The following FARS2 variants were observed in gnomAD, a reference collection of about 807,000 sequenced individuals.
The protein encoded by FARS2 is phenylalanine--tRNA ligase, mitochondrial.
Under a neutral mutation model 46.4 loss-of-function variants are expected in FARS2, and 40 were observed. The observed-to-expected ratio is 0.86, with a 90% CI of 0.67 to 1.12. FARS2 has a LOEUF of 1.12. Among genes scored for constraint, FARS2 ranks in the 50% most tolerant of loss-of-function variants. The pLI is 0.00. For missense variants in FARS2, 513 were observed against 567.9 expected (o/e 0.90, Z 0.98); for synonymous variants, 234 against 214.9 (o/e 1.09, Z -0.78).
At chr6:5,267,918 CATT>C (rs1435772466) in intron 1 of FARS2, among the ~76,000 whole-genome samples, 1 of 151,974 alleles carries the variant, frequency 6.6e-6, no homozygotes. Context: ...GATGGTATCT[CATT>C]GTGGTTTTGA....
intron 1 of FARS2, among the ~76,000 whole-genome samples, chr6:5,310,975 A>G (rs1374470520): frequency 2.0e-5 from 3 of 152,198 alleles, no homozygotes; most frequent in Non-Finnish European, 4.4e-5. Flanking sequence ...TTCTCCAGCA[A>G]TCCCACCATT....
intron 4 of FARS2, among the ~76,000 whole-genome samples, chr6:5,520,493 A>C (rs1769064697): frequency 6.6e-6 from 1 of 152,268 alleles, no homozygotes; most frequent in African/African-American, 2.4e-5. Flanking sequence ...GAAAAACTTC[A>C]AACATTGCAC....
intron 5 of FARS2, among the ~76,000 whole-genome samples, chr6:5,578,053 G>A (rs1184121883): frequency 2.0e-5 from 3 of 152,042 alleles, no homozygotes; most frequent in Admixed American, 6.6e-5. Context: ...CGCCCATCTC[G>A]GCCTCCTAAA....
At chr6:5,686,308 C>T (rs989428393) in intron 6 of FARS2, among the ~76,000 whole-genome samples, 30 of 151,702 alleles carry the variant, frequency 2.0e-4, no homozygotes, top group African/African-American at 6.3e-4. Context: ...CCCATTAACT[C>T]GTCATTTAAC....
chr6:5,389,449 G>A (rs778280165), intron 2 of FARS2, among the ~76,000 whole-genome samples: 56 of 152,088 alleles, frequency 3.7e-4, no homozygotes, highest in Admixed American at 9.8e-4. Context: ...AAACGATTTT[G>A]TTTGGCTGCA....
chr6:5,657,299 C>T (rs759541455), intron 6 of FARS2, among the ~76,000 whole-genome samples: 5 of 152,124 alleles, frequency 3.3e-5, no homozygotes, highest in South Asian at 2.1e-4. Context: ...TTTATCTAAA[C>T]GAGGGCCTGT....
intron 6 of FARS2, among the ~76,000 whole-genome samples, chr6:5,628,740 C>T (rs1776152905): frequency 6.6e-6 from 1 of 152,114 alleles, no homozygotes; most frequent in Non-Finnish European, 1.5e-5. Flanking sequence ...GTCCCTGGTT[C>T]CCTGGTGTTC....
chr6:5,671,251 G>A (rs1778440819), intron 6 of FARS2, among the ~76,000 whole-genome samples: 1 of 152,234 alleles, frequency 6.6e-6, no homozygotes, highest in Non-Finnish European at 1.5e-5. Context: ...GAGTACCTCA[G>A]AAAAATGAGG....
At position 5,471,784 on chromosome 6, in the gene FARS2, G is replaced by T. The variant is rs1273818557; in HGVS notation, c.904+40612G>T. Among the ~76,000 whole-genome samples, 1 of 152,186 alleles carries T rather than the reference G, an allele frequency of 6.6e-6. No homozygotes were observed. The highest frequency in any genetic ancestry group is 2.4e-5 in the African/African-American group (1 of 41,452). On this transcript the variant is annotated intron_variant, in intron 4 of 6. Coordinates refer to ENST00000274680, the MANE Select transcript of FARS2 (RefSeq NM_006567.5). The surrounding 1 kb of genome is among the most constrained non-coding windows in gnomAD (Gnocchi z 4.1). ...CAAGGCAGGGTCTTGTCCCACCAGT[G>T]CACATGGTGCGCCCCGTCTGACACC... is the stretch of plus-strand genomic sequence containing the variant.
chr6:5,572,269 G>A (rs1273733582), intron 5 of FARS2, among the ~76,000 whole-genome samples: 1 of 152,112 alleles, frequency 6.6e-6, no homozygotes, highest in Non-Finnish European at 1.5e-5. Flanking sequence ...CAGCAGACAC[G>A]TCCTATAGTG....
chr6:5,437,486 T>G (rs1360903580), intron 4 of FARS2, among the ~76,000 whole-genome samples: 4 of 152,214 alleles, frequency 2.6e-5, no homozygotes, highest in Admixed American at 2.0e-4. Context: ...TATTTTACCC[T>G]TTTATCTGTC....
At chr6:5,327,479 G>A (rs954122570) in intron 1 of FARS2, among the ~76,000 whole-genome samples, 40 of 152,202 alleles carry the variant, frequency 2.6e-4, no homozygotes, top group Admixed American at 1.0e-3. Context: ...TTTCCGTGCC[G>A]TTCTTGTGAT....
intron 1 of FARS2, among the ~76,000 whole-genome samples, chr6:5,336,087 A>G (rs1371420380): frequency 6.6e-6 from 1 of 152,182 alleles, no homozygotes; most frequent in Non-Finnish European, 1.5e-5. Flanking sequence ...TTAAGACTTA[A>G]TAGGAAAATT....
chr6:5,740,324 T>G (rs1054826025), intron 6 of FARS2, among the ~76,000 whole-genome samples: 1 of 152,178 alleles, frequency 6.6e-6, no homozygotes, highest in Non-Finnish European at 1.5e-5. Context: ...GAAATAAGTT[T>G]TTTGGGAACC....
chr6:5,660,300 T>C (rs979782942), intron 6 of FARS2, among the ~76,000 whole-genome samples: 1 of 152,110 alleles, frequency 6.6e-6, no homozygotes, highest in Non-Finnish European at 1.5e-5. Flanking sequence ...TAATCACACA[T>C]GTAGATGTGA....
chr6:5,350,603 C>T (rs918365748), intron 1 of FARS2, among the ~76,000 whole-genome samples: 1 of 152,136 alleles, frequency 6.6e-6, no homozygotes, highest in African/African-American at 2.4e-5. Context: ...AGGAAATGGT[C>T]CTGGAACATT....
At chr6:5,638,155 T>G (rs1045296109) in intron 6 of FARS2, among the ~76,000 whole-genome samples, 1 of 152,148 alleles carries the variant, frequency 6.6e-6, no homozygotes, top group Non-Finnish European at 1.5e-5. Flanking sequence ...GATCCTATAT[T>G]CTAATACAGT....
At chr6:5,657,951 A>C (rs1561781815) in intron 6 of FARS2, among the ~76,000 whole-genome samples, 1 of 152,198 alleles carries the variant, frequency 6.6e-6, no homozygotes, top group South Asian at 2.1e-4. Context: ...TAGTCATAAA[A>C]ATGCCTTCCT....
intron 6 of FARS2, among the ~76,000 whole-genome samples, chr6:5,748,656 G>A (rs143729603): frequency 2.0e-4 from 31 of 152,334 alleles, no homozygotes; most frequent in African/African-American, 6.3e-4. Context: ...TGAGTAACTC[G>A]TTCAAAGACA....
Sources: allele counts gnomAD v4.1 joint callset (sites outside exome capture counted in the v4.1 genomes callset), GRCh38; gene constraint gnomAD v4.1.1; non-coding constraint Gnocchi (gnomAD v3.1); transcripts MANE v1.5; gene names NCBI Gene and HGNC (gene_info 2026-07-23, HGNC 2026-07-21).